The following MYPN variants were observed in gnomAD, a reference collection of about 807,000 sequenced individuals.
MYPN encodes the protein myopalladin, also known as sarcomeric protein myopalladin, 145 kDa (MYOP).
Under a neutral mutation model 129.4 loss-of-function variants are expected in MYPN, and 63 were observed. The observed-to-expected ratio is 0.49, with a 90% CI of 0.40 to 0.60. The LOEUF is 0.60. Ranked by LOEUF, MYPN falls within the 20% of genes least tolerant of loss-of-function variation. The probability of loss-of-function intolerance (pLI) is 0.00; values close to 1 mark genes in which losing one functional copy is unlikely to be tolerated. For missense variants in MYPN, 1,596 were observed against 1,635.4 expected (o/e 0.98, Z 0.42); for synonymous variants, 629 against 600.9 (o/e 1.05, Z -0.68).
At chr10:68,193,838 C>CACACAT (rs1156672819) in intron 13 of MYPN, among the ~76,000 whole-genome samples, 9 of 33,326 alleles carry the variant, frequency 2.7e-4, no homozygotes, top group African/African-American at 5.3e-4. Context: ...CACACACACA[C>CACACAT]ATAGATATTT....
chr10:68,182,287 A>G lies in MYPN; in HGVS notation c.2704-6618A>G, dbSNP rs1286496286. Reference sequence around the variant, plus strand: ...TATAACATATATATAACACACATATATATATAACATATATATAACACACAC... The same window carrying G: ...TATAACATATATATAACACACATATGTATATAACATATATATAACACACAC... On this transcript the variant is annotated intron_variant, in intron 12 of 19. Coordinates refer to ENST00000358913, the MANE Select transcript of MYPN (RefSeq NM_032578.4). 1.4e-4 allele frequency among the ~76,000 whole-genome samples: 5 copies of G among 35,102 alleles called. 1 individual carries two copies. The highest frequency in any genetic ancestry group is 2.6e-4 in the Non-Finnish European group (4 of 15,156). The allele number at this position is 35,102 out of a possible 152,430, so 23.0% of individuals were successfully genotyped here.
At chr10:68,202,052 C>T (rs891034650) in intron 18 of MYPN, 58 bp downstream of exon 18, 10 of 1,591,418 alleles carry the variant, frequency 6.3e-6, no homozygotes, top group Non-Finnish European at 7.7e-6. Flanking sequence ...TGTTGCGCCA[C>T]CCAAATAAGT....
At chr10:68,126,854 G>A (rs370185917) in intron 2 of MYPN, among the ~76,000 whole-genome samples, 292 of 152,306 alleles carry the variant, frequency 1.9e-3, no homozygotes, top group African/African-American at 6.7e-3. Flanking sequence ...TGAGAGAGTA[G>A]TGGAACTAGA....
Position 68,201,898 on chromosome 10 carries a change from C to T in MYPN, c.3563C>T (p.Pro1188Leu), listed in dbSNP as rs1281730680. The T allele has an allele frequency of 9.9e-6, 16 of 1,614,040 alleles. No homozygotes were observed. The highest frequency in any genetic ancestry group is 1.3e-5 in the African/African-American group (1 of 74,910). The change falls in exon 18 of 20, where the codon CCC becomes CTC. Residue 1188 changes from proline (P) to leucine (L), a missense_variant. By Grantham distance (98) the Pro-to-Leu change is moderately conservative. Coordinates refer to ENST00000358913, the MANE Select transcript of MYPN (RefSeq NM_032578.4). ...LQNCGVPEGH[P>L]VRLECRVIGM... ...AACTGCGGTGTTCCCGAAGGCCACC[C>T]CGTGAGACTGGAGTGCCGCGTGATA... is the stretch of plus-strand genomic sequence containing the variant.
chr10:68,141,399 A>G (rs1451311915), intron 2 of MYPN, among the ~76,000 whole-genome samples: 1 of 152,062 alleles, frequency 6.6e-6, no homozygotes, highest in African/African-American at 2.4e-5. Context: ...TGCTGTATAA[A>G]TGGTGGGAGG....
At chr10:68,115,279 A>T (rs1010465175) in intron 1 of MYPN, among the ~76,000 whole-genome samples, 1 of 150,732 alleles carries the variant, frequency 6.6e-6, no homozygotes, top group Non-Finnish European at 1.5e-5. Flanking sequence ...AAAAAAAAAA[A>T]AGTCAAATGA....
At chr10:68,174,740 C>T in intron 11 of MYPN, 84 bp downstream of exon 11, 1 of 1,306,670 alleles carries the variant, frequency 7.7e-7, no homozygotes, top group Admixed American at 1.8e-5. Flanking sequence ...AAACAGGGCT[C>T]TCATTTTGTG....
chr10:68,165,669 A>T, intron 8 of MYPN, 33 bp from the exon 9 acceptor site: 1 of 1,452,030 alleles, frequency 6.9e-7, no homozygotes. Flanking sequence ...TTCATAATGA[A>T]GTCAGTAACC....
chr10:68,201,708 C>A (rs2043715016), intron 17 of MYPN, 121 bp from the exon 18 acceptor site: 1 of 1,063,314 alleles, frequency 9.4e-7, no homozygotes, highest in Non-Finnish European at 1.4e-6. Flanking sequence ...GGGAGGGGTG[C>A]AGGCAGAGGT....
At chr10:68,188,750 A>G (rs753858818) in intron 12 of MYPN, among the ~76,000 whole-genome samples, 155 bp from the exon 13 acceptor site, 5 of 152,222 alleles carry the variant, frequency 3.3e-5, no homozygotes, top group Non-Finnish European at 7.3e-5. Flanking sequence ...TTAGTGCTCC[A>G]TGGTGAGAAA....
At chr10:68,195,411 T>C (rs773028435) in intron 14 of MYPN, 39 bp from the exon 15 acceptor site, 10 of 1,581,426 alleles carry the variant, frequency 6.3e-6, no homozygotes, top group South Asian at 2.2e-5. Flanking sequence ...AAATGTGAGA[T>C]TGTTCTTGTT....
At chr10:68,140,156 A>T (rs965670790) in intron 2 of MYPN, among the ~76,000 whole-genome samples, 1 of 152,156 alleles carries the variant, frequency 6.6e-6, no homozygotes, top group African/African-American at 2.4e-5. Context: ...AAAATTCCAA[A>T]GTGGGGAAAA....
intron 4 of MYPN, among the ~76,000 whole-genome samples, chr10:68,145,952 C>T (rs2042659656): frequency 6.6e-6 from 1 of 152,148 alleles, no homozygotes; most frequent in African/African-American, 2.4e-5. Flanking sequence ...CCAACCACCT[C>T]CTTAGAGGGC....
At chr10:68,173,577 TATTTATTTATTTA>T (rs1301548415) in intron 10 of MYPN, among the ~76,000 whole-genome samples, 2 of 36,078 alleles carry the variant, frequency 5.5e-5, no homozygotes, top group Non-Finnish European at 9.9e-5. Flanking sequence ...CAAGTTATTT[TATTTATTTATTTA>T]TTTATTTATT....
chr10:68,206,341 C>A (rs1337454746), intron 18 of MYPN, among the ~76,000 whole-genome samples: 2 of 152,118 alleles, frequency 1.3e-5, no homozygotes, highest in African/African-American at 4.8e-5. Flanking sequence ...GGAAGCTGCA[C>A]GAGCCCAGCT....
chr10:68,101,143 A>G (rs141960845), upstream of MYPN, among the ~76,000 whole-genome samples: 98 of 152,336 alleles, frequency 6.4e-4, no homozygotes, highest in African/African-American at 2.3e-3. Context: ...TATAGCTTCA[A>G]TTCTCAAAAA....
intron 1 of MYPN, among the ~76,000 whole-genome samples, chr10:68,114,951 G>A (rs1308540005): frequency 6.6e-6 from 1 of 152,088 alleles, no homozygotes; most frequent in Non-Finnish European, 1.5e-5. Context: ...AAACAGAAAA[G>A]AGGAAACAAA....
intron 1 of MYPN, among the ~76,000 whole-genome samples, chr10:68,100,757 C>T (rs1221670354): frequency 6.6e-6 from 1 of 152,178 alleles, no homozygotes; most frequent in Admixed American, 6.5e-5. Flanking sequence ...AAGAATTCCC[C>T]TATACCAATT....
At chr10:68,112,241 G>A (rs1363884953) in intron 1 of MYPN, among the ~76,000 whole-genome samples, 1 of 152,064 alleles carries the variant, frequency 6.6e-6, no homozygotes, top group Non-Finnish European at 1.5e-5. Context: ...ATGGGCCATA[G>A]GATTTATTTT....
Sources: allele counts gnomAD v4.1 joint callset (sites outside exome capture counted in the v4.1 genomes callset), GRCh38; gene constraint gnomAD v4.1.1; transcripts MANE v1.5; gene names NCBI Gene and HGNC (gene_info 2026-07-23, HGNC 2026-07-21).